ABCG8: variants seen among roughly 807,000 people sequenced by gnomAD.
ABCG8 encodes the protein ATP binding cassette subfamily G member 8.
In ABCG8, 81 loss-of-function variants were observed where a neutral mutation model predicts 71.3. The ratio of observed to expected loss-of-function variants is 1.14; its 90% CI spans 0.95 to 1.37. ABCG8 has a LOEUF of 1.37. Ranked by LOEUF, ABCG8 falls within the 40% of genes most tolerant of loss-of-function variation. The pLI, the probability that ABCG8 is intolerant of heterozygous loss-of-function variation, is 0.00. For missense variants in ABCG8, 1,119 were observed against 866.2 expected (o/e 1.29, Z -3.66); for synonymous variants, 451 against 354.7 (o/e 1.27, Z -3.05).
intron 10 of ABCG8, 135 bp downstream of exon 10, chr2:43,874,618 T>A (rs1266812942): frequency 1.3e-6 from 1 of 761,052 alleles, no homozygotes; most frequent in Admixed American, 2.0e-5. Context: ...TGCCACCAGA[T>A]GCCACATTTT....
intron 11 of ABCG8, among the ~76,000 whole-genome samples, chr2:43,876,275 T>G (rs1558861775): frequency 2.0e-5 from 3 of 152,192 alleles, no homozygotes; most frequent in Admixed American, 2.0e-4. Flanking sequence ...CCCTCTGCCC[T>G]TTTGCCTCTT....
intron 1 of ABCG8, among the ~76,000 whole-genome samples, chr2:43,843,036 A>G (rs753590103): frequency 6.6e-6 from 1 of 152,196 alleles, no homozygotes; most frequent in Non-Finnish European, 1.5e-5. Flanking sequence ...ATTTTCACGT[A>G]AGGCATAAGT....
At chr2:43,851,481 G>A in intron 3 of ABCG8, 103 bp from the exon 4 acceptor site, 1 of 1,340,936 alleles carries the variant, frequency 7.5e-7, no homozygotes, top group Admixed American at 1.7e-5. Context: ...CATCTGCACG[G>A]ACAGAGTAGT....
chr2:43,858,691 T>G (rs539680378), intron 6 of ABCG8, among the ~76,000 whole-genome samples: 128 of 143,302 alleles, frequency 8.9e-4, no homozygotes, highest in South Asian at 1.6e-3. Flanking sequence ...ACACTCTGGT[T>G]AGAACTCTCA....
intron 2 of ABCG8, among the ~76,000 whole-genome samples, 155 bp downstream of exon 2, chr2:43,844,763 G>C (rs1011269803): frequency 6.6e-6 from 1 of 152,178 alleles, no homozygotes; most frequent in Non-Finnish European, 1.5e-5. Context: ...AGGTGCAATA[G>C]GTGTCATCAA....
At chr2:43,858,975 ACT>A (rs1043728882) in intron 6 of ABCG8, among the ~76,000 whole-genome samples, 1 of 149,398 alleles carries the variant, frequency 6.7e-6, no homozygotes, top group African/African-American at 2.5e-5. Flanking sequence ...TAGAAGTCTC[ACT>A]CTCTGTCTGG....
In ABCG8 at chr2:43,878,081, T is replaced by A; in HGVS notation, c.*168T>A. 1 of 953,768 alleles carries A rather than the reference T, an allele frequency of 1.0e-6. No individual in the cohort carries two copies. Among genetic ancestry groups the A allele is most frequent in the African/African-American group, 1.6e-5 (1 of 61,712 alleles). The allele number at this position is 953,768 out of a possible 1,614,324, so 59.1% of individuals were successfully genotyped here. On this transcript the variant is annotated 3_prime_UTR_variant, in exon 13 of 13. Transcript: ENST00000272286. ...GCACAGACCAGCCACAGGATGGCAG[T>A]AGAATAAAGACAGTCGAAAGGGATT...
Position 43,852,855 on chromosome 2 carries a change from T to C in ABCG8, c.951T>C (p.Pro317=), listed in dbSNP as rs1218215878. The C allele has an allele frequency of 6.2e-7, 1 of 1,613,992 alleles. No individual in the cohort carries two copies. Among genetic ancestry groups the C allele is most frequent in the Non-Finnish European group, 8.5e-7 (1 of 1,180,044 alleles). ...IGYPCPRYSN[P]ADFYVDLTSI... is the part of the protein sequence containing the mutation. ...ACCCCTGTCCTCGCTACAGCAATCC[T>C]GCTGACTTCTATGGTGAGTCCCCAA... Residue 317 remains proline (P), a synonymous_variant, in exon 6 of 13, where the codon CCT becomes CCC. Coordinates refer to ENST00000272286, the MANE Select transcript of ABCG8 (RefSeq NM_022437.3).
At chr2:43,870,155 GT>G (rs899033704) in intron 6 of ABCG8, among the ~76,000 whole-genome samples, 23 of 150,588 alleles carry the variant, frequency 1.5e-4, no homozygotes, top group Admixed American at 2.0e-4. Context: ...CTCACTACCT[GT>G]CTCGATAGAA....
At chr2:43,864,316 A>C (rs1572851895) in intron 6 of ABCG8, among the ~76,000 whole-genome samples, 1 of 151,280 alleles carries the variant, frequency 6.6e-6, no homozygotes, top group Non-Finnish European at 1.5e-5. Flanking sequence ...AATTCTCACT[A>C]TCTGTCTGGA....
rs1467611607 is a variant in ABCG8 at position 43,878,222 on chromosome 2, G to C, written c.*309G>C. 1.9e-4 allele frequency: 78 copies of C among 403,442 alleles called. No homozygotes were observed. The highest frequency in any genetic ancestry group is 8.5e-5 in the Non-Finnish European group (18 of 211,680). 25.0% of individuals were successfully genotyped at this position (403,442 alleles called of 1,614,324 possible). The stretch of plus-strand genomic sequence containing the variant: ...CATTTATATAGGCAACTCGATATAG[G>C]ATGGGAGCAAACTAGGAATGAATTG... On this transcript the variant is annotated 3_prime_UTR_variant, in exon 13 of 13. Coordinates refer to ENST00000272286, the MANE Select transcript of ABCG8 (RefSeq NM_022437.3).
chr2:43,871,660 G>C (rs2104944657), intron 6 of ABCG8, among the ~76,000 whole-genome samples: 1 of 152,346 alleles, frequency 6.6e-6, no homozygotes, highest in Non-Finnish European at 1.5e-5. Flanking sequence ...CTCTTGCTCT[G>C]TCCTAAGATG....
chr2:43,861,013 G>A (rs2104931137), intron 6 of ABCG8, among the ~76,000 whole-genome samples: 1 of 148,486 alleles, frequency 6.7e-6, no homozygotes, highest in African/African-American at 2.5e-5. Context: ...TCACCATCTG[G>A]TTAGAATTAT....
chr2:43,843,380 GA>G (rs1304351705), intron 1 of ABCG8, among the ~76,000 whole-genome samples: 2 of 152,106 alleles, frequency 1.3e-5, no homozygotes, highest in Non-Finnish European at 2.9e-5. Flanking sequence ...AGAAATGTAA[GA>G]AAAATTGAAT....
rs1178900917 is a variant in ABCG8 at position 43,868,449 on chromosome 2, ACTAT to A, written c.965-3520_965-3517del. On this transcript the variant is annotated intron_variant, in intron 6 of 12. Transcript: ENST00000272286. ...CTGTCACCCTCTGGATAGAATTCGC[ACTAT>A]CTATCTGGATAGAATTCTGTCTCTG... is the stretch of plus-strand genomic sequence containing the variant. Among the ~76,000 whole-genome samples the A allele has an allele frequency of 6.6e-5, 10 of 151,860 alleles. No homozygotes were observed. The East Asian group carries it at 1.8e-3, about 27-fold the overall frequency.
At chr2:43,854,081 G>C (rs1669017780) in intron 6 of ABCG8, among the ~76,000 whole-genome samples, 1 of 152,220 alleles carries the variant, frequency 6.6e-6, no homozygotes. Context: ...ACCCCAGAGA[G>C]GGGTTACCAG....
chr2:43,852,469 A>G lies in ABCG8; in HGVS notation c.677A>G (p.Gln226Arg), dbSNP rs754172713. 6.2e-7 allele frequency: 1 copy of G among 1,613,424 alleles called. No homozygotes were observed. Among genetic ancestry groups the G allele is most frequent in the Non-Finnish European group, 8.5e-7 (1 of 1,179,950 alleles). ...GERRRVSIGV[Q>R]LLWNPGILIL... is the part of the protein sequence containing the mutation. ...CGCAGGAGAGTCAGCATTGGGGTGC[A>G]GCTCCTGTGGAACCCAGGTGAGGGC... Residue 226 changes from glutamine (Q) to arginine (R), a missense_variant, in exon 5 of 13, where the codon CAG (glutamine) becomes CGG (arginine). Coordinates refer to ENST00000272286, the MANE Select transcript of ABCG8 (RefSeq NM_022437.3).
chr2:43,873,718 G>C, intron 8 of ABCG8, 69 bp from the exon 9 acceptor site: 1 of 1,522,482 alleles, frequency 6.6e-7, no homozygotes, highest in Non-Finnish European at 9.1e-7. Context: ...TATGGAGACT[G>C]TGACATTCCC....
At chr2:43,867,426 ACTCT>A (rs1669569508) in intron 6 of ABCG8, among the ~76,000 whole-genome samples, 2 of 146,428 alleles carry the variant, frequency 1.4e-5, no homozygotes, top group African/African-American at 5.1e-5. Flanking sequence ...TAGAACTCTC[ACTCT>A]CTATCTGGAT....
Sources: gnomAD v4.1 joint callset for allele counts (sites outside exome capture counted in the v4.1 genomes callset) on GRCh38, gnomAD v4.1.1 for gene constraint, MANE v1.5 for transcripts, NCBI Gene and HGNC (gene_info 2026-07-23, HGNC 2026-07-21) for gene names.